ZBTB7C: variants seen among roughly 807,000 people sequenced by gnomAD.
ZBTB7C encodes the protein zinc finger and BTB domain-containing protein 7C.
A neutral mutation model predicts 25.7 loss-of-function variants in ZBTB7C; 8 were observed. That is an observed-to-expected ratio of 0.31 (90% CI 0.18 to 0.56). The LOEUF (loss-of-function observed/expected upper bound fraction) is 0.56. Among genes scored for constraint, ZBTB7C ranks in the 20% least tolerant of loss-of-function variants. ZBTB7C has a pLI of 0.91. For missense variants in ZBTB7C, 824 were observed against 855.2 expected (o/e 0.96, Z 0.46); for synonymous variants, 394 against 369.0 (o/e 1.07, Z -0.78).
intron 3 of ZBTB7C, among the ~76,000 whole-genome samples, chr18:48,102,564 C>CAAAAAAAAAAAAAAAAAAA (rs58790347): frequency 1.0e-5 from 1 of 95,624 alleles, no homozygotes; most frequent in Non-Finnish European, 2.0e-5. Context: ...GATCCTCCCT[C>CAAAAAAAAAAAAAAAAAAA]AAAAAAAAAA....
Position 48,040,835 on chromosome 18 carries a change from GA to G in ZBTB7C, c.272del (p.Phe91SerfsTer30). The G allele has an allele frequency of 1.9e-6, 3 of 1,614,098 alleles. No individual in the cohort carries two copies. Among genetic ancestry groups the G allele is most frequent in the Non-Finnish European group, 2.5e-6 (3 of 1,179,986 alleles). On this transcript the variant is annotated frameshift_variant, in exon 4 of 5. Transcript: ENST00000590800. LOFTEE classifies it high-confidence loss of function. Reference sequence around the variant, plus strand: ...TGATGGTGAGCGTGGAGGTGTAGGCGAACTCCAGGATAGCAGCCAGAGCCTC... The same window carrying G: ...TGATGGTGAGCGTGGAGGTGTAGGCGACTCCAGGATAGCAGCCAGAGCCTC... ...QPEALAAILE[F>X]AYTSTLTITA... is the part of the protein sequence containing the mutation.
chr18:48,055,802 C>T (rs1323036015), intron 3 of ZBTB7C, among the ~76,000 whole-genome samples: 3 of 152,176 alleles, frequency 2.0e-5, no homozygotes, highest in African/African-American at 7.2e-5. Context: ...CACCGCTCGT[C>T]GTCTTGCTCT....
intron 1 of ZBTB7C, chr18:48,346,532 G>A (rs975516775): frequency 6.6e-6 from 1 of 152,308 alleles, no homozygotes; most frequent in Non-Finnish European, 1.5e-5. Context: ...AGCCATTTTT[G>A]CTAACCAGAG....
chr18:48,100,275 G>A (rs1191992633), intron 3 of ZBTB7C, among the ~76,000 whole-genome samples: 1 of 152,214 alleles, frequency 6.6e-6, no homozygotes, highest in Non-Finnish European at 1.5e-5. Flanking sequence ...GAGGTCACTT[G>A]GAGTAACGAT....
chr18:48,210,290 C>T (rs748198525), intron 2 of ZBTB7C, among the ~76,000 whole-genome samples: 2 of 152,156 alleles, frequency 1.3e-5, no homozygotes, highest in Non-Finnish European at 2.9e-5. Context: ...ATAGAGTTAC[C>T]ATATGATCCA....
chr18:48,337,599 C>T (rs186762621), intron 2 of ZBTB7C, among the ~76,000 whole-genome samples: 20 of 152,338 alleles, frequency 1.3e-4, no homozygotes, highest in Non-Finnish European at 2.4e-4. Flanking sequence ...CCTCATCCAC[C>T]TTTGATCATC....
chr18:48,089,280 C>A (rs2038316261), intron 3 of ZBTB7C, among the ~76,000 whole-genome samples: 1 of 151,726 alleles, frequency 6.6e-6, no homozygotes, highest in Non-Finnish European at 1.5e-5. Context: ...ACCAGCCTGG[C>A]CAACATGGTG....
chr18:48,295,514 G>A (rs1472069914), intron 2 of ZBTB7C, among the ~76,000 whole-genome samples: 1 of 152,140 alleles, frequency 6.6e-6, no homozygotes, highest in African/African-American at 2.4e-5. Flanking sequence ...GACCCAGAAC[G>A]CCTGGCCTTC....
chr18:48,253,922 A>G (rs978927115), intron 2 of ZBTB7C, among the ~76,000 whole-genome samples: 2 of 152,186 alleles, frequency 1.3e-5, no homozygotes, highest in African/African-American at 4.8e-5. Context: ...CATTGTTCCA[A>G]TAGGTAGGAT....
chr18:48,054,398 G>A (rs2036829390), intron 3 of ZBTB7C, among the ~76,000 whole-genome samples: 1 of 152,190 alleles, frequency 6.6e-6, no homozygotes, highest in Non-Finnish European at 1.5e-5. Context: ...TGGCCGGGGA[G>A]GAGCTGCCGT....
chr18:48,071,164 G>C (rs2037526094), intron 3 of ZBTB7C, among the ~76,000 whole-genome samples: 1 of 152,082 alleles, frequency 6.6e-6, no homozygotes, highest in South Asian at 2.1e-4. Flanking sequence ...TTTACACAAA[G>C]GCACTACCGC....
intron 3 of ZBTB7C, among the ~76,000 whole-genome samples, chr18:48,151,510 T>C (rs1160063829): frequency 6.6e-6 from 1 of 152,146 alleles, no homozygotes; most frequent in Non-Finnish European, 1.5e-5. Flanking sequence ...GCTGCCAGCA[T>C]TTCAGTCTCC....
chr18:48,228,113 A>G (rs1376627032), intron 2 of ZBTB7C, among the ~76,000 whole-genome samples: 1 of 152,100 alleles, frequency 6.6e-6, no homozygotes, highest in Non-Finnish European at 1.5e-5. Flanking sequence ...AGCAAGTTAG[A>G]TGGGGCAGGA....
At chr18:48,402,302 C>G (rs565177383) in intron 1 of ZBTB7C, among the ~76,000 whole-genome samples, 18 of 150,718 alleles carry the variant, frequency 1.2e-4, no homozygotes, top group African/African-American at 4.4e-4. Flanking sequence ...GGGACTGATT[C>G]TTTCCTTGTC....
chr18:48,163,564 T>G (rs1292433967), intron 3 of ZBTB7C, among the ~76,000 whole-genome samples: 3 of 152,182 alleles, frequency 2.0e-5, no homozygotes, highest in Non-Finnish European at 4.4e-5. Context: ...TCCCACTGAT[T>G]GTGTGATTCT....
At chr18:48,198,307 C>T (rs1172815444) in intron 2 of ZBTB7C, among the ~76,000 whole-genome samples, 1 of 152,184 alleles carries the variant, frequency 6.6e-6, no homozygotes, top group Non-Finnish European at 1.5e-5. Flanking sequence ...TGGTGCACAG[C>T]TGTCACCTGG....
At chr18:48,295,854 G>A (rs1288375977) in intron 2 of ZBTB7C, among the ~76,000 whole-genome samples, 1 of 152,146 alleles carries the variant, frequency 6.6e-6, no homozygotes, top group Admixed American at 6.5e-5. Flanking sequence ...GGCGAGTGGG[G>A]AAGAGATAGG....
At chr18:48,122,915 C>T (rs576421056) in intron 3 of ZBTB7C, among the ~76,000 whole-genome samples, 2 of 152,310 alleles carry the variant, frequency 1.3e-5, no homozygotes, top group African/African-American at 2.4e-5. Context: ...AACCGCCCCC[C>T]ACTCCCAACA....
At chr18:48,130,107 G>A (rs2039942428) in intron 3 of ZBTB7C, among the ~76,000 whole-genome samples, 1 of 152,192 alleles carries the variant, frequency 6.6e-6, no homozygotes, top group Non-Finnish European at 1.5e-5. Context: ...TACGTGCTGT[G>A]AATGCAGGCC....
Sources: gnomAD v4.1 joint callset for allele counts (sites outside exome capture counted in the v4.1 genomes callset) on GRCh38, gnomAD v4.1.1 for gene constraint, MANE v1.5 for transcripts, NCBI Gene and HGNC (gene_info 2026-07-23, HGNC 2026-07-21) for gene names.